The following CCDC192 variants were observed in gnomAD, a reference collection of about 807,000 sequenced individuals.
CCDC192 encodes coiled-coil domain-containing protein 192.
chr5:127,702,252 C>G (rs955032602), upstream of CCDC192, among the ~76,000 whole-genome samples: 1 of 152,054 alleles, frequency 6.6e-6, no homozygotes, highest in African/African-American at 2.4e-5. Context: ...ACCACCACAC[C>G]CGGCTAATTT....
intron 6 of CCDC192, among the ~76,000 whole-genome samples, chr5:127,910,004 A>G (rs577600687): frequency 6.6e-6 from 1 of 152,348 alleles, no homozygotes; most frequent in Non-Finnish European, 1.5e-5. Context: ...TGTGGATGCC[A>G]AGAAAAGCAC....
Position 127,842,999 on chromosome 5 carries a change from C to A in CCDC192, c.412-32539C>A, listed in dbSNP as rs79686605. 5.7e-3 allele frequency among the ~76,000 whole-genome samples: 862 copies of A among 150,750 alleles called. 6 individuals are homozygous for A. The highest frequency in any genetic ancestry group is 0.02 in the African/African-American group (808 of 41,126). ...ATAGTGTACACTTTCTGCTTCATCA[C>A]CTTAATTTCCTGGGCTGTATTTTAG... On this transcript the variant is annotated intron_variant, in intron 5 of 6. Coordinates refer to ENST00000514853, the MANE Select transcript of CCDC192 (RefSeq NM_001317938.2).
At chr5:127,827,248 A>T (rs1018463131) in intron 5 of CCDC192, among the ~76,000 whole-genome samples, 1 of 152,170 alleles carries the variant, frequency 6.6e-6, no homozygotes, top group Non-Finnish European at 1.5e-5. Context: ...CATTGATCTG[A>T]GGAAGAGTAA....
At chr5:127,897,705 C>A (rs957776325) in intron 6 of CCDC192, among the ~76,000 whole-genome samples, 3 of 152,004 alleles carry the variant, frequency 2.0e-5, no homozygotes, top group Non-Finnish European at 2.9e-5. Flanking sequence ...AGAGGATTCT[C>A]ATTTTTTTTT....
chr5:127,873,864 A>C (rs1751960152), intron 5 of CCDC192, among the ~76,000 whole-genome samples: 1 of 152,238 alleles, frequency 6.6e-6, no homozygotes, highest in South Asian at 2.1e-4. Context: ...AGACAGAGGT[A>C]TATATTAAAA....
chr5:127,885,347 G>T (rs73331823), intron 6 of CCDC192, among the ~76,000 whole-genome samples: 263 of 152,328 alleles, frequency 1.7e-3, no homozygotes, highest in African/African-American at 5.7e-3. Context: ...CAGGATATTT[G>T]CAGAACAGTC....
chr5:127,827,161 A>G lies in CCDC192; in HGVS notation c.411+28999A>G, dbSNP rs898091052. Among the ~76,000 whole-genome samples the G allele has an allele frequency of 3.3e-5, 5 of 152,202 alleles. No homozygotes were observed. In the East Asian group the frequency reaches 7.7e-4, roughly 23 times the overall value. On this transcript the variant is annotated intron_variant, in intron 5 of 6. Transcript: ENST00000514853. Reference sequence around the variant, plus strand: ...TTGTAGGGCTGTCTGGGCCAGCTCTACAGAATAAAAAAATTACACAAAGTA... The same window carrying G: ...TTGTAGGGCTGTCTGGGCCAGCTCTGCAGAATAAAAAAATTACACAAAGTA...
chr5:127,737,872 G>A (rs1753117585), intron 2 of CCDC192, among the ~76,000 whole-genome samples: 2 of 152,060 alleles, frequency 1.3e-5, no homozygotes, highest in South Asian at 4.2e-4. Context: ...GATGAGTCTT[G>A]ACTCTTTATC....
At chr5:127,841,568 C>T (rs1040041488) in intron 5 of CCDC192, among the ~76,000 whole-genome samples, 2 of 152,210 alleles carry the variant, frequency 1.3e-5, no homozygotes, top group Non-Finnish European at 2.9e-5. Context: ...GAGGCTTCAT[C>T]TGTCTCCTAG....
At chr5:127,788,103 AG>A (rs1554075164) in intron 3 of CCDC192, among the ~76,000 whole-genome samples, 5 of 148,970 alleles carry the variant, frequency 3.4e-5, no homozygotes, top group Non-Finnish European at 7.5e-5. Flanking sequence ...AAAAAAAAAA[AG>A]GGGGGGACTA....
intron 1 of CCDC192, among the ~76,000 whole-genome samples, chr5:127,705,443 G>A (rs568972472): frequency 5.0e-4 from 76 of 152,140 alleles, no homozygotes; most frequent in Middle Eastern, 3.4e-3. Flanking sequence ...GGTTTCATTC[G>A]GTGACTGAAT....
intron 5 of CCDC192, among the ~76,000 whole-genome samples, chr5:127,846,972 C>T (rs751114411): frequency 6.6e-6 from 1 of 152,126 alleles, no homozygotes; most frequent in East Asian, 1.9e-4. Context: ...CACAGTCCCC[C>T]TCTTGTGCAG....
chr5:127,889,581 C>T (rs111941), intron 6 of CCDC192, among the ~76,000 whole-genome samples: 110,490 of 152,034 alleles, frequency 0.73, 40,752 homozygotes, highest in African/African-American at 0.87. Context: ...TTTGAATTTT[C>T]AGTAGAGATG....
chr5:127,754,563 A>G (rs2126874881), intron 3 of CCDC192, among the ~76,000 whole-genome samples, 188 bp downstream of exon 3: 1 of 151,400 alleles, frequency 6.6e-6, no homozygotes, highest in South Asian at 2.1e-4. Context: ...CATTCATTTT[A>G]GACATAACAG....
intron 5 of CCDC192, among the ~76,000 whole-genome samples, chr5:127,853,787 CAAACAAACAAA>C (rs1390568987): frequency 6.6e-6 from 1 of 152,034 alleles, no homozygotes; most frequent in African/African-American, 2.4e-5. Flanking sequence ...AGCAAACAAA[CAAACAAACAAA>C]AAACAAACAA....
At chr5:127,892,211 A>G (rs1163868643) in intron 6 of CCDC192, among the ~76,000 whole-genome samples, 5 of 152,246 alleles carry the variant, frequency 3.3e-5, no homozygotes, top group African/African-American at 4.8e-5. Flanking sequence ...ATCTGATGCT[A>G]TCATATACTT....
intron 5 of CCDC192, among the ~76,000 whole-genome samples, chr5:127,844,892 C>A (rs575934941): frequency 6.6e-6 from 1 of 152,338 alleles, no homozygotes; most frequent in Non-Finnish European, 1.5e-5. Context: ...TGAAGCCTCA[C>A]AGGGCCTTGT....
intron 6 of CCDC192, among the ~76,000 whole-genome samples, chr5:127,914,441 A>G (rs1446941793): frequency 6.6e-6 from 1 of 152,196 alleles, no homozygotes; most frequent in East Asian, 1.9e-4. Flanking sequence ...TAAATACTAT[A>G]AATAGCCTCC....
At chr5:127,873,761 T>A (rs1254206915) in intron 5 of CCDC192, among the ~76,000 whole-genome samples, 1 of 152,178 alleles carries the variant, frequency 6.6e-6, no homozygotes, top group Non-Finnish European at 1.5e-5. Context: ...AAAAGGTCAA[T>A]GGTTACCATC....
Sources: allele counts gnomAD v4.1 joint callset (sites outside exome capture counted in the v4.1 genomes callset), GRCh38; gene constraint gnomAD v4.1.1; transcripts MANE v1.5; gene names NCBI Gene and HGNC (gene_info 2026-07-23, HGNC 2026-07-21).